Variants in USP34 observed in about 807,000 individuals in gnomAD.
USP34 encodes the protein ubiquitin carboxyl-terminal hydrolase 34.
USP34 carries 70 observed loss-of-function variants against 460.3 expected under a neutral mutation model. The ratio of observed to expected loss-of-function variants is 0.15; its 90% CI spans 0.13 to 0.19. USP34 has a LOEUF of 0.19. Among genes scored for constraint, USP34 ranks in the 10% least tolerant of loss-of-function variants. The pLI, the probability that USP34 is intolerant of heterozygous loss-of-function variation, is 1.00. For synonymous variants in USP34, 1,647 were observed against 1,405.3 expected (o/e 1.17, Z -3.85); for missense variants, 3,985 against 4,236.2 (o/e 0.94, Z 1.65).
In USP34 at chr2:61,236,132, G is replaced by A. The variant is rs373481903; in HGVS notation, c.6918+29C>T. 7.6e-4 allele frequency: 1,211 copies of A among 1,593,278 alleles called. 21 individuals carry two copies. The South Asian group carries it at 0.013, about 17-fold the overall frequency. On this transcript the variant is annotated intron_variant, in intron 55 of 79. Coordinates refer to ENST00000398571, the MANE Select transcript of USP34 (RefSeq NM_014709.4). The stretch of plus-strand genomic sequence containing the variant: ...CATTTTAAAGTAGTAAATTTTGACA[G>A]AATTATTTAAAGTTCATATATTTAT...
At position 61,411,749 on chromosome 2, in the gene USP34, C is replaced by T. The variant is rs565499780; in HGVS notation, c.132-5621G>A. On this transcript the variant is annotated intron_variant, in intron 2 of 79. Coordinates refer to ENST00000398571, the MANE Select transcript of USP34 (RefSeq NM_014709.4). ...GCCTACTCACCATTTAACCATCATACAGTAGTGGCCAACATCTGAGATGCC... is the reference window on the plus strand; with the variant it reads ...GCCTACTCACCATTTAACCATCATATAGTAGTGGCCAACATCTGAGATGCC... Among the ~76,000 whole-genome samples the T allele has an allele frequency of 5.3e-5, 8 of 152,296 alleles. No individual in the cohort carries two copies. The East Asian group carries it at 1.5e-3, about 29-fold the overall frequency.
chr2:61,340,190 TATAATCCC>T (rs1691546900), intron 16 of USP34, among the ~76,000 whole-genome samples: 4 of 145,058 alleles, frequency 2.8e-5, no homozygotes, highest in Admixed American at 6.9e-5. Context: ...TATAATCTTT[TATAATCCC>T]TATATTTAAA....
chr2:61,313,223 A>C (rs1690648456), intron 25 of USP34, among the ~76,000 whole-genome samples: 1 of 152,186 alleles, frequency 6.6e-6, no homozygotes, highest in African/African-American at 2.4e-5. Context: ...AAAAGATATC[A>C]AGGACATAAC....
intron 43 of USP34, among the ~76,000 whole-genome samples, chr2:61,260,590 T>C (rs1384662577): frequency 2.0e-5 from 3 of 152,156 alleles, no homozygotes; most frequent in Non-Finnish European, 4.4e-5. Flanking sequence ...AGTCAAGATA[T>C]GGACTAAAAC....
chr2:61,360,946 G>A (rs1009778329), intron 10 of USP34, among the ~76,000 whole-genome samples: 3 of 152,172 alleles, frequency 2.0e-5, no homozygotes, highest in African/African-American at 7.2e-5. Flanking sequence ...TAATAGGCGT[G>A]TGCCACCACA....
chr2:61,448,374 C>G (rs1319830111), intron 1 of USP34, among the ~76,000 whole-genome samples: 5 of 152,076 alleles, frequency 3.3e-5, no homozygotes, highest in African/African-American at 1.2e-4. Context: ...ATCACCTTAG[C>G]TGAGGGGTTC....
chr2:61,190,289 T>C lies in USP34; in HGVS notation c.9855A>G (p.Ala3285=). The C allele has an allele frequency of 6.2e-7, 1 of 1,612,596 alleles. No homozygotes were observed. Among genetic ancestry groups the C allele is most frequent in the Non-Finnish European group, 8.5e-7 (1 of 1,179,604 alleles). ...DFSNRVEISK[A]SASLNGDLRA... Reference sequence around the variant, plus strand: ...TTCTTACCCCATTTAAAGAAGCACTTGCTTTGGAAATTTCAACTCGGTTGG... The same window carrying C: ...TTCTTACCCCATTTAAAGAAGCACTCGCTTTGGAAATTTCAACTCGGTTGG... The change falls in exon 78 of 80, where the codon GCA becomes GCG. Residue 3285 remains alanine, a synonymous_variant. Transcript: ENST00000398571.
rs904762040 is a variant in USP34, at chr2:61,470,784, C to A, written c.-92G>T. On this transcript the variant is annotated 5_prime_UTR_variant, in exon 1 of 80. Coordinates refer to ENST00000398571, the MANE Select transcript of USP34 (RefSeq NM_014709.4). ...GAGGGGAGAGAGGCGGAGGAGGGGG[C>A]CGGCCGGCCGGCGGGGCGGGGAGGC... The A allele has an allele frequency of 6.6e-6, 7 of 1,060,066 alleles. 1 individual carries two copies. The African/African-American group carries it at 1.2e-4, about 18-fold the overall frequency. The allele number at this position is 1,060,066 out of a possible 1,614,324, so 65.7% of individuals were successfully genotyped here. A position where few individuals can be genotyped will look rare whatever the true frequency, so the allele number is the denominator to read the frequency against.
At chr2:61,445,189 TAA>T (rs1695074352) in intron 1 of USP34, among the ~76,000 whole-genome samples, 1 of 55,604 alleles carries the variant, frequency 1.8e-5, no homozygotes, top group African/African-American at 7.6e-5. Flanking sequence ...AAAAAAATGC[TAA>T]GAGAAAAAAC....
chr2:61,281,833 C>A (rs976219546), intron 37 of USP34, among the ~76,000 whole-genome samples: 1 of 152,106 alleles, frequency 6.6e-6, no homozygotes. Context: ...ATTTACAAGT[C>A]AGTAAGAGGA....
At chr2:61,203,690 G>A (rs2103768538) in intron 74 of USP34, among the ~76,000 whole-genome samples, 1 of 152,204 alleles carries the variant, frequency 6.6e-6, no homozygotes, top group East Asian at 1.9e-4. Context: ...GAGTGTGAAT[G>A]AAGTGTGGGT....
At chr2:61,234,604 T>C (rs964335945) in intron 57 of USP34, among the ~76,000 whole-genome samples, 2 of 152,138 alleles carry the variant, frequency 1.3e-5, no homozygotes, top group African/African-American at 2.4e-5. Flanking sequence ...GAAGATGATG[T>C]TGGCCAAAGA....
At chr2:61,345,228 C>T (rs949122826) in intron 15 of USP34, among the ~76,000 whole-genome samples, 3 of 151,376 alleles carry the variant, frequency 2.0e-5, no homozygotes, top group South Asian at 2.1e-4. Flanking sequence ...GAGCCAGGAT[C>T]GTGCCACTGC....
intron 10 of USP34, among the ~76,000 whole-genome samples, chr2:61,367,573 C>G (rs564826218): frequency 1.2e-4 from 19 of 152,278 alleles, no homozygotes; most frequent in African/African-American, 4.3e-4. Flanking sequence ...AGGCTCAAGG[C>G]ACACAATCAT....
At position 61,426,861 on chromosome 2, in the gene USP34, G is replaced by A. The variant is rs1383436610; in HGVS notation, c.44-6028C>T. Among the ~76,000 whole-genome samples the A allele has an allele frequency of 2.0e-5, 3 of 152,196 alleles. No homozygotes were observed. The East Asian group carries it at 5.8e-4, about 29-fold the overall frequency. The stretch of plus-strand genomic sequence containing the variant: ...CCAGCTTTAGGTGGCTCAGGACAGC[G>A]AGACCGTGTGTTTGGGAGAAAGTAA... On this transcript the variant is annotated intron_variant, in intron 1 of 79. Transcript: ENST00000398571.
intron 5 of USP34, among the ~76,000 whole-genome samples, chr2:61,385,381 C>CT (rs1693105317): frequency 6.6e-6 from 1 of 152,026 alleles, no homozygotes; most frequent in Non-Finnish European, 1.5e-5. Flanking sequence ...CTAAAACTCT[C>CT]TAAGAAATAC....
At chr2:61,299,675 T>A (rs1690159396) in intron 29 of USP34, among the ~76,000 whole-genome samples, 1 of 133,468 alleles carries the variant, frequency 7.5e-6, no homozygotes. Flanking sequence ...CACTTGAACC[T>A]GAGAGATCAA....
rs34844512 is a variant in USP34, at chr2:61,195,366, TA to T, written c.9509-2387del. ...GGCTGGCTTTTACATTTTTAAAGGT[TA>T]AAAAAAAAAAAAAAAAATCAGCCAG... On this transcript the variant is annotated intron_variant, in intron 75 of 79. Transcript: ENST00000398571. 1.5e-3 allele frequency among the ~76,000 whole-genome samples: 211 copies of T among 140,164 alleles called. 1 individual carries two copies. Among genetic ancestry groups the T allele is most frequent in the East Asian group, 3.2e-3 (15 of 4,668 alleles). 92.0% of individuals were successfully genotyped at this position (140,164 alleles called of 152,430 possible). A position where few individuals can be genotyped will look rare whatever the true frequency, so the allele number is the denominator to read the frequency against.
rs1415483116 is a variant in USP34 at position 61,190,313 on chromosome 2, G to A, written c.9831C>T (p.Ser3277=). Reference sequence around the variant, plus strand: ...TTGCTTTGGAAATTTCAACTCGGTTGGAGAAATCAGACTGTAGGTTCTGAT... The same window carrying A: ...TTGCTTTGGAAATTTCAACTCGGTTAGAGAAATCAGACTGTAGGTTCTGAT... ...SQYQNLQSDF[S]NRVEISKASA... Residue 3277 remains serine, a synonymous_variant, in exon 78 of 80, where the codon TCC becomes TCT. Transcript: ENST00000398571. The A allele has an allele frequency of 2.5e-6, 4 of 1,613,698 alleles. No individual in the cohort carries two copies. The highest frequency in any genetic ancestry group is 3.4e-6 in the Non-Finnish European group (4 of 1,179,924).
Sources: gnomAD v4.1 joint callset for allele counts (sites outside exome capture counted in the v4.1 genomes callset) on GRCh38, gnomAD v4.1.1 for gene constraint, MANE v1.5 for transcripts, NCBI Gene and HGNC (gene_info 2026-07-23, HGNC 2026-07-21) for gene names.